TRPM1: variants seen among roughly 807,000 people sequenced by gnomAD.
TRPM1 encodes transient receptor potential cation channel subfamily M member 1.
In TRPM1, 113 loss-of-function variants were observed where a neutral mutation model predicts 149.4. The ratio of observed to expected loss-of-function variants is 0.76; its 90% CI spans 0.65 to 0.88. The LOEUF is 0.88. TRPM1 is among the 40% of genes least tolerant of loss of function. TRPM1 has a pLI of 0.00. For missense variants in TRPM1, 1,976 were observed against 2,038.7 expected, an observed-to-expected ratio of 0.97 and a Z score of 0.59; for synonymous variants, 741 against 759.5, an observed-to-expected ratio of 0.98 and a Z score of 0.40.
At chr15:31,099,820 A>T (rs1376483607) in intron 1 of TRPM1, among the ~76,000 whole-genome samples, 2 of 152,186 alleles carry the variant, frequency 1.3e-5, no homozygotes, top group Non-Finnish European at 2.9e-5. Context: ...AAATGCCATG[A>T]ATTAAAACTG....
rs1191852074 is a variant in TRPM1 at position 31,012,976 on chromosome 15, CT to C, written c.3630-9907del. Reference sequence around the variant, plus strand: ...TCCCTTCCTTCATTTCTTTCTTTTTCTTTTTTTTTTTCTTTTTTTTTTTTGA... The same window carrying C: ...TCCCTTCCTTCATTTCTTTCTTTTTCTTTTTTTTTTCTTTTTTTTTTTTGA... On this transcript the variant is annotated intron_variant, in intron 27 of 27. Transcript: ENST00000256552. Among the ~76,000 whole-genome samples the C allele has an allele frequency of 5.4e-3, 651 of 119,678 alleles. 9 individuals are homozygous for C. The highest frequency in any genetic ancestry group is 0.034 in the Admixed American group (436 of 12,670). 78.5% of individuals were successfully genotyped at this position (119,678 alleles called of 152,430 possible). A position where few individuals can be genotyped will look rare whatever the true frequency, so the allele number is the denominator to read the frequency against.
intron 3 of TRPM1, among the ~76,000 whole-genome samples, chr15:31,071,035 C>A (rs1437040410): frequency 6.6e-6 from 1 of 152,216 alleles, no homozygotes; most frequent in Non-Finnish European, 1.5e-5. Flanking sequence ...CAAAACCCAG[C>A]CAACCTCTCA....
At chr15:31,102,809 AG>A (rs1180666470), upstream of TRPM1, among the ~76,000 whole-genome samples, 4 of 152,224 alleles carry the variant, frequency 2.6e-5, no homozygotes, top group Non-Finnish European at 5.9e-5. Flanking sequence ...GGGTCTGGTG[AG>A]TGGCTCCCAC....
intron 25 of TRPM1, among the ~76,000 whole-genome samples, chr15:31,027,851 G>C (rs1407558385): frequency 1.3e-5 from 2 of 152,024 alleles, no homozygotes; most frequent in Non-Finnish European, 2.9e-5. Flanking sequence ...CAAATAGGCA[G>C]GTTTTATAAG....
At chr15:31,160,019 C>T (rs2036425151) in intron 1 of TRPM1, among the ~76,000 whole-genome samples, 1 of 152,142 alleles carries the variant, frequency 6.6e-6, no homozygotes, top group Admixed American at 6.5e-5. Flanking sequence ...TGCTGCCTCC[C>T]CCCACCCTTC....
At chr15:31,113,563 A>T (rs1272405548) in intron 1 of TRPM1, among the ~76,000 whole-genome samples, 1 of 148,742 alleles carries the variant, frequency 6.7e-6, no homozygotes, top group African/African-American at 2.6e-5. Flanking sequence ...GTTTTTTTTT[A>T]ACTTTAGGTT....
At chr15:31,099,410 C>T (rs546107670) in intron 1 of TRPM1, among the ~76,000 whole-genome samples, 2 of 152,194 alleles carry the variant, frequency 1.3e-5, no homozygotes, top group African/African-American at 2.4e-5. Context: ...CAGACACACA[C>T]ACATACACTC....
intron 1 of TRPM1, among the ~76,000 whole-genome samples, chr15:31,088,369 C>T (rs186228238): frequency 4.8e-4 from 73 of 152,266 alleles, no homozygotes; most frequent in Middle Eastern, 3.4e-3. Context: ...TTTGTTCTTT[C>T]TCCCTTGGCA....
chr15:31,042,432 A>G (rs1372187571), intron 16 of TRPM1, 189 bp from the exon 17 acceptor site: 9 of 665,650 alleles, frequency 1.4e-5, no homozygotes, highest in African/African-American at 9.1e-5. Flanking sequence ...TAAGTAAACT[A>G]TCTAAAACCA....
chr15:31,078,841 A>T (rs973676325), intron 2 of TRPM1, among the ~76,000 whole-genome samples: 1 of 152,188 alleles, frequency 6.6e-6, no homozygotes, highest in African/African-American at 2.4e-5. Flanking sequence ...CAGTATTTGG[A>T]CTATATGACA....
intron 9 of TRPM1, 145 bp downstream of exon 9, chr15:31,062,434 C>T: frequency 9.5e-7 from 1 of 1,057,918 alleles, no homozygotes; most frequent in East Asian, 2.4e-5. Flanking sequence ...GACACAGCCA[C>T]CAATTTGGTA....
At chr15:31,160,306 T>C (rs1034138165) in intron 1 of TRPM1, among the ~76,000 whole-genome samples, 1 of 152,184 alleles carries the variant, frequency 6.6e-6, no homozygotes, top group Non-Finnish European at 1.5e-5. Flanking sequence ...TGGGAGGTCC[T>C]GTCTGGGGTT....
At chr15:31,078,429 A>G (rs1023574667) in intron 2 of TRPM1, among the ~76,000 whole-genome samples, 1 of 152,212 alleles carries the variant, frequency 6.6e-6, no homozygotes, top group Non-Finnish European at 1.5e-5. Context: ...GGGAAGATCC[A>G]AGTCGGCTTG....
At chr15:31,068,237 G>A (rs972399444) in intron 4 of TRPM1, 145 bp from the exon 5 acceptor site, 4 of 765,614 alleles carry the variant, frequency 5.2e-6, no homozygotes, top group Non-Finnish European at 6.8e-6. Context: ...GTGAGTCTGT[G>A]GCCAAGTGAC....
chr15:31,101,298 C>T (rs766820497), intron 1 of TRPM1, among the ~76,000 whole-genome samples: 1 of 152,218 alleles, frequency 6.6e-6, no homozygotes, highest in African/African-American at 2.4e-5. Flanking sequence ...GGGTTTCAGC[C>T]TCTTTGAGAC....
At chr15:31,096,573 G>A (rs915284744) in intron 1 of TRPM1, among the ~76,000 whole-genome samples, 2 of 152,204 alleles carry the variant, frequency 1.3e-5, no homozygotes, top group Non-Finnish European at 2.9e-5. Flanking sequence ...TTGGGAAGGT[G>A]TTGTGTTAAG....
rs762374532 is a variant in TRPM1 at position 31,047,986 on chromosome 15, G to T, written c.1573-47C>A. On this transcript the variant is annotated intron_variant, in intron 13 of 27. Coordinates refer to ENST00000256552, the MANE Select transcript of TRPM1 (RefSeq NM_001252024.2). The stretch of plus-strand genomic sequence containing the variant: ...GTGTTAAATATGTTTTTCTTGGCCA[G>T]GCGCGGTGGCTCACGCCTGTAGTCC... The T allele has an allele frequency of 3.2e-6, 5 of 1,555,328 alleles. No individual in the cohort carries two copies. In the East Asian group the frequency reaches 1.1e-4, roughly 35 times the overall value.
At chr15:31,117,665 T>TACACACACAC (rs56686910) in intron 1 of TRPM1, among the ~76,000 whole-genome samples, 7 of 135,972 alleles carry the variant, frequency 5.1e-5, no homozygotes, top group Non-Finnish European at 9.3e-5. Flanking sequence ...AAAAAAAAAA[T>TACACACACAC]ACACACACAC....
At position 31,050,586 on chromosome 15, in the gene TRPM1, C is replaced by T. The variant is rs2140941215; in HGVS notation, c.1264-4G>A. The T allele has an allele frequency of 1.2e-6, 2 of 1,614,066 alleles. No homozygotes were observed. The highest frequency in any genetic ancestry group is 1.7e-6 in the Non-Finnish European group (2 of 1,180,014). On this transcript the variant is annotated splice_polypyrimidine_tract_variant and splice_region_variant and intron_variant, in intron 11 of 27. Transcript: ENST00000256552. ...GGGGTGCCAGGCTTCCCAGGGGCTG[C>T]AGTCCACAGCAATCAGAGTTGGGAA...
Sources: allele counts gnomAD v4.1 joint callset (sites outside exome capture counted in the v4.1 genomes callset), GRCh38; gene constraint gnomAD v4.1.1; transcripts MANE v1.5; gene names NCBI Gene and HGNC (gene_info 2026-07-23, HGNC 2026-07-21).